ADAMTS19: variants seen among roughly 807,000 people sequenced by gnomAD.
ADAMTS19 encodes the protein A disintegrin and metalloproteinase with thrombospondin motifs 19.
A neutral mutation model predicts 153.3 loss-of-function variants in ADAMTS19; 93 were observed. The ratio of observed to expected loss-of-function variants is 0.61; its 90% CI spans 0.51 to 0.72. The LOEUF (loss-of-function observed/expected upper bound fraction) is 0.72. ADAMTS19 is among the 30% of genes least tolerant of loss of function. The pLI is 0.00. For synonymous variants in ADAMTS19, 600 were observed against 556.6 expected (o/e 1.08, Z -1.10); for missense variants, 1,482 against 1,552.1 (o/e 0.95, Z 0.76).
intron 2 of ADAMTS19, among the ~76,000 whole-genome samples, chr5:129,476,009 G>A (rs1243557407): frequency 6.6e-6 from 1 of 152,066 alleles, no homozygotes; most frequent in Non-Finnish European, 1.5e-5. Context: ...CTTAAACAAT[G>A]CAAAACCGAT....
intron 3 of ADAMTS19, among the ~76,000 whole-genome samples, chr5:129,524,656 C>T (rs1308852302): frequency 1.3e-5 from 2 of 150,730 alleles, no homozygotes; most frequent in African/African-American, 2.4e-5. Flanking sequence ...TGAACAGACA[C>T]TTCTCAAAAG....
chr5:129,501,198 A>G (rs1751093751), intron 2 of ADAMTS19, among the ~76,000 whole-genome samples: 1 of 152,152 alleles, frequency 6.6e-6, no homozygotes. Context: ...AAAATAGAAA[A>G]GAGAATTAAA....
intron 21 of ADAMTS19, among the ~76,000 whole-genome samples, chr5:129,723,093 C>T (rs1757069573): frequency 6.6e-6 from 1 of 152,154 alleles, no homozygotes; most frequent in South Asian, 2.1e-4. Context: ...CAAACCCTGT[C>T]TGCTCAGTGC....
At chr5:129,673,301 A>T (rs1754395734) in intron 16 of ADAMTS19, among the ~76,000 whole-genome samples, 1 of 152,018 alleles carries the variant, frequency 6.6e-6, no homozygotes, top group South Asian at 2.1e-4. Flanking sequence ...CTAATGTGAC[A>T]ATTTAAAGCT....
At chr5:129,553,674 C>T (rs1346665594) in intron 7 of ADAMTS19, among the ~76,000 whole-genome samples, 2 of 152,152 alleles carry the variant, frequency 1.3e-5, no homozygotes, top group Non-Finnish European at 2.9e-5. Flanking sequence ...CTAGTTCTCC[C>T]TTCCGTATCT....
chr5:129,537,420 T>C (rs993059499), intron 6 of ADAMTS19, among the ~76,000 whole-genome samples: 1 of 152,166 alleles, frequency 6.6e-6, no homozygotes, highest in African/African-American at 2.4e-5. Flanking sequence ...GCCATCCCAT[T>C]ACTGGGTATA....
rs775355964 is a variant in ADAMTS19, at chr5:129,648,964, G to A, written c.2170G>A (p.Asp724Asn). The stretch of plus-strand genomic sequence containing the variant: ...TATACTTCAGTGGCAAGCTGTCCTG[G>A]ATGAAGGTATGACCAACCAGATCAC... ...KHILQWQAVL[D>N]EEKPCALFCS... Residue 724 changes from aspartate to asparagine, a missense_variant, in exon 13 of 23, where the codon GAT (aspartate) becomes AAT (asparagine). Coordinates refer to ENST00000274487, the MANE Select transcript of ADAMTS19 (RefSeq NM_133638.6). 1 of 1,599,968 alleles carries A rather than the reference G, an allele frequency of 6.3e-7. No homozygotes were observed. The highest frequency in any genetic ancestry group is 8.5e-7 in the Non-Finnish European group (1 of 1,169,698).
At chr5:129,497,433 A>G (rs183518176) in intron 2 of ADAMTS19, among the ~76,000 whole-genome samples, 1 of 152,226 alleles carries the variant, frequency 6.6e-6, no homozygotes, top group African/African-American at 2.4e-5. Context: ...CAACTGCCAG[A>G]TAGATGTCTC....
chr5:129,618,277 T>A (rs1751620390), intron 8 of ADAMTS19, among the ~76,000 whole-genome samples: 1 of 152,084 alleles, frequency 6.6e-6, no homozygotes, highest in Non-Finnish European at 1.5e-5. Flanking sequence ...TTGTTTATTC[T>A]ATTAATATGT....
chr5:129,664,676 A>T (rs1753961015), intron 15 of ADAMTS19, among the ~76,000 whole-genome samples: 1 of 152,072 alleles, frequency 6.6e-6, no homozygotes, highest in Non-Finnish European at 1.5e-5. Context: ...GTAGACTTTT[A>T]TAAGATACAT....
At chr5:129,728,440 A>G (rs1226456391) in intron 21 of ADAMTS19, among the ~76,000 whole-genome samples, 1 of 152,090 alleles carries the variant, frequency 6.6e-6, no homozygotes, top group Non-Finnish European at 1.5e-5. Flanking sequence ...TATACCGTTC[A>G]GGACATAGGC....
chr5:129,694,831 G>A lies in ADAMTS19; in HGVS notation c.2930G>A (p.Cys977Tyr). ...AAGCCAGAGCCACAGATTCGAAAGT[G>A]CAATGAGCAACCATGTCAAACAAGG... ...LTKPEPQIRK[C>Y]NEQPCQTRWM... The change falls in exon 19 of 23, where the codon TGC (cysteine) becomes TAC (tyrosine). Residue 977 changes from cysteine to tyrosine, a missense_variant. Cys to Tyr is a radical substitution (Grantham distance 194). This residue lies in a region of ADAMTS19 where 616 missense variants were observed against 724.4 expected (regional missense o/e 0.85). Coordinates refer to ENST00000274487, the MANE Select transcript of ADAMTS19 (RefSeq NM_133638.6). 2 of 1,592,270 alleles carry A rather than the reference G, an allele frequency of 1.3e-6. No homozygotes were observed. Among genetic ancestry groups the A allele is most frequent in the Non-Finnish European group, 1.7e-6 (2 of 1,168,602 alleles).
intron 11 of ADAMTS19, 69 bp from the exon 12 acceptor site, chr5:129,647,696 A>G: frequency 1.3e-6 from 2 of 1,554,916 alleles, no homozygotes; most frequent in Admixed American, 3.4e-5. Flanking sequence ...TTCCAGTGAC[A>G]TTATAGGCCA....
chr5:129,719,682 T>G (rs1299613907), intron 21 of ADAMTS19, among the ~76,000 whole-genome samples: 1 of 152,168 alleles, frequency 6.6e-6, no homozygotes, highest in Non-Finnish European at 1.5e-5. Context: ...ATGCATATTT[T>G]CAAAACGATA....
chr5:129,588,765 A>G (rs1749947738), intron 7 of ADAMTS19, among the ~76,000 whole-genome samples: 1 of 151,766 alleles, frequency 6.6e-6, no homozygotes, highest in Non-Finnish European at 1.5e-5. Flanking sequence ...TGTTGTATTA[A>G]TTATTAAGCT....
chr5:129,695,463 G>A (rs911170129), intron 19 of ADAMTS19, among the ~76,000 whole-genome samples: 14 of 152,124 alleles, frequency 9.2e-5, no homozygotes, highest in Non-Finnish European at 1.8e-4. Flanking sequence ...ACAAGTAGAG[G>A]ACAAAACAGC....
intron 7 of ADAMTS19, among the ~76,000 whole-genome samples, chr5:129,590,249 C>G (rs1326631280): frequency 2.0e-5 from 3 of 152,128 alleles, no homozygotes; most frequent in Non-Finnish European, 4.4e-5. Context: ...ATGATTTTAT[C>G]TCTCCAGATT....
intron 7 of ADAMTS19, among the ~76,000 whole-genome samples, chr5:129,574,579 C>T (rs1193250821): frequency 1.3e-5 from 2 of 151,972 alleles, no homozygotes; most frequent in Non-Finnish European, 2.9e-5. Context: ...AAAACTGAGG[C>T]TGGGATTCAA....
Position 129,461,644 on chromosome 5 carries a change from G to T in ADAMTS19, c.634G>T (p.Ala212Ser). The change falls in exon 2 of 23, where the codon GCA becomes TCA. Residue 212 changes from alanine (A) to serine (S), a missense_variant. By Grantham distance (99) the Ala-to-Ser change is moderately conservative (BLOSUM62 1). This residue lies in a region of ADAMTS19 where 866 missense variants were observed against 827.7 expected (regional missense o/e 1.05). Coordinates refer to ENST00000274487, the MANE Select transcript of ADAMTS19 (RefSeq NM_133638.6). This position sits in a 1 kb window ranked among gnomAD's most constrained non-coding sequence, Gnocchi z 4.6. ...AAATCCCGGCCCCGGCCCCACGGGG[G>T]CAGCATCCGCCCCGCAACCTCCCGC... ...RPNPGPGPTGAASAPQPPAPP... is the reference protein window; with the variant it reads ...RPNPGPGPTGSASAPQPPAPP... 6.4e-7 allele frequency: 1 copy of T among 1,572,368 alleles called. No individual in the cohort carries two copies. The highest frequency in any genetic ancestry group is 8.6e-7 in the Non-Finnish European group (1 of 1,164,380).
Sources: allele counts gnomAD v4.1 joint callset (sites outside exome capture counted in the v4.1 genomes callset), GRCh38; gene constraint gnomAD v4.1.1; regional missense constraint gnomAD v4.1.1; non-coding constraint Gnocchi (gnomAD v3.1); transcripts MANE v1.5; gene names NCBI Gene and HGNC (gene_info 2026-07-23, HGNC 2026-07-21).